MAP1LC3A: variants seen among roughly 807,000 people sequenced by gnomAD.
The protein encoded by MAP1LC3A is microtubule-associated protein 1 light chain 3 alpha.
A neutral mutation model predicts 15.2 loss-of-function variants in MAP1LC3A; 10 were observed. The observed-to-expected ratio is 0.66, with a 90% CI of 0.41 to 1.12. The LOEUF (loss-of-function observed/expected upper bound fraction) is 1.12, where lower values mean the gene tolerates loss of function less well. MAP1LC3A is among the 50% of genes most tolerant of loss of function. MAP1LC3A has a pLI of 0.00. For missense variants in MAP1LC3A, 138 were observed against 167.3 expected, an observed-to-expected ratio of 0.82 and a Z score of 0.97; for synonymous variants, 63 against 64.3, an observed-to-expected ratio of 0.98 and a Z score of 0.10.
chr20:34,554,876 ATT>A (rs1195057316), upstream of MAP1LC3A, among the ~76,000 whole-genome samples: 2 of 136,300 alleles, frequency 1.5e-5, no homozygotes. Flanking sequence ...TATTTTTTGT[ATT>A]TTTTTTTTTT....
Position 34,559,941 on chromosome 20 carries a change from G to A in MAP1LC3A, c.*43G>A. The stretch of plus-strand genomic sequence containing the variant: ...TCGGCCTGGGAGTCGGGCGGCCCCG[G>A]TCAGGCCCTGCCCAGAGAGCTCCTG... On this transcript the variant is annotated 3_prime_UTR_variant, in exon 4 of 4. Transcript: ENST00000360668. 1 of 1,577,732 alleles carries A rather than the reference G, an allele frequency of 6.3e-7. No individual in the cohort carries two copies. Among genetic ancestry groups the A allele is most frequent in the Non-Finnish European group, 8.6e-7 (1 of 1,163,318 alleles).
Position 34,558,908 on chromosome 20 carries a change from G to A in MAP1LC3A, c.40G>A (p.Ala14Thr), listed in dbSNP as rs1196059192. ...DRPFKQRRSF[A>T]DRCKEVQQIR... The stretch of plus-strand genomic sequence containing the variant: ...GCCTTTCAAGCAGCGGCGGAGCTTC[G>A]GTGAGGCCCGGCAGGCGAGCTGCGA... The change falls in exon 1 of 4, where the codon GCC (alanine) becomes ACC (threonine). Residue 14 changes from alanine (A) to threonine (T), a missense_variant and splice_region_variant. By Grantham distance (58) the Ala-to-Thr change is moderately conservative. Transcript: ENST00000360668. The surrounding 1 kb of genome is among the most constrained non-coding windows in gnomAD (Gnocchi z 4.3). 1 of 1,405,094 alleles carries A rather than the reference G, an allele frequency of 7.1e-7. No homozygotes were observed. The highest frequency in any genetic ancestry group is 9.2e-7 in the Non-Finnish European group (1 of 1,083,606). The allele number at this position is 1,405,094 out of a possible 1,614,324, so 87.0% of individuals were successfully genotyped here.
At position 34,560,097 on chromosome 20, in the gene MAP1LC3A, GTGCTGGCT is replaced by G; in HGVS notation, c.*200_*207del. 1 of 478,164 alleles carries G rather than the reference GTGCTGGCT, an allele frequency of 2.1e-6. No individual in the cohort carries two copies. The highest frequency in any genetic ancestry group is 3.7e-6 in the Non-Finnish European group (1 of 268,338). 29.6% of individuals were successfully genotyped at this position (478,164 alleles called of 1,614,324 possible). A position where few individuals can be genotyped will look rare whatever the true frequency, so the allele number is the denominator to read the frequency against. On this transcript the variant is annotated 3_prime_UTR_variant, in exon 4 of 4. Coordinates refer to ENST00000360668, the MANE Select transcript of MAP1LC3A (RefSeq NM_032514.4). Reference sequence around the variant, plus strand: ...GGTCGTGTTAGGGTTGTCCCTCTGGGTGCTGGCTGGTGGGATGGGGGAGGGTGGGGAGC... The same window carrying G: ...GGTCGTGTTAGGGTTGTCCCTCTGGGGGTGGGATGGGGGAGGGTGGGGAGC...
At chr20:34,558,651 G>A (rs1471416980), upstream of MAP1LC3A, 1 of 1,231,824 alleles carries the variant, frequency 8.1e-7, no homozygotes, top group Admixed American at 4.3e-5. This position sits in a 1 kb window ranked among gnomAD's most constrained non-coding sequence, Gnocchi z 4.3. Context: ...CGGGCGGGTT[G>A]TGCGTCGGCC....
chr20:34,560,010 A>T lies in MAP1LC3A; in HGVS notation c.*112A>T. 8.9e-7 allele frequency: 1 copy of T among 1,121,846 alleles called. No homozygotes were observed. Among genetic ancestry groups the T allele is most frequent in the Admixed American group, 2.9e-5 (1 of 34,348 alleles). The allele number at this position is 1,121,846 out of a possible 1,614,324, so 69.5% of individuals were successfully genotyped here. On this transcript the variant is annotated 3_prime_UTR_variant, in exon 4 of 4. Transcript: ENST00000360668. ...CTCTACCGTGGTGGGCTGGGCAGGC[A>T]TGTGCCCCCCTAGTCAGAGGGCACC... is the stretch of plus-strand genomic sequence containing the variant.
chr20:34,558,824 CCGCGCCCCAGAGCCCCGGCCTG>C lies in MAP1LC3A; in HGVS notation c.-37_-16del. ...GAGCCCCCAAACCGCAGACACATCC[CCGCGCCCCAGAGCCCCGGCCTG>C]CGCGCCCAGCCGGGCCCGCGCGATG... On this transcript the variant is annotated 5_prime_UTR_variant, in exon 1 of 4. Transcript: ENST00000360668. This position sits in a 1 kb window ranked among gnomAD's most constrained non-coding sequence, Gnocchi z 4.3. The C allele has an allele frequency of 7.0e-7, 1 of 1,423,170 alleles. No homozygotes were observed. The highest frequency in any genetic ancestry group is 1.4e-5 in the South Asian group (1 of 69,668). The allele number at this position is 1,423,170 out of a possible 1,614,324, so 88.2% of individuals were successfully genotyped here.
intron 2 of MAP1LC3A, chr20:34,550,051 T>C (rs768055570): frequency 1.2e-6 from 2 of 1,613,128 alleles, no homozygotes; most frequent in Admixed American, 3.3e-5. Context: ...CCGCCTGCCG[T>C]TGTGTGAAGG....
chr20:34,559,183 C>T, intron 1 of MAP1LC3A, 25 bp from the exon 2 acceptor site: 2 of 1,561,686 alleles, frequency 1.3e-6, no homozygotes, highest in South Asian at 2.4e-5. Context: ...CCGACCCGGC[C>T]TCACGGTCTG....
At chr20:34,557,249 C>T (rs1982194826), upstream of MAP1LC3A, among the ~76,000 whole-genome samples, 1 of 152,176 alleles carries the variant, frequency 6.6e-6, no homozygotes, top group South Asian at 2.1e-4. Flanking sequence ...TATTTACCAT[C>T]CCTTTTACTT....
At chr20:34,547,757 C>T (rs918696778) in intron 1 of MAP1LC3A, among the ~76,000 whole-genome samples, 5 of 152,132 alleles carry the variant, frequency 3.3e-5, no homozygotes, top group African/African-American at 7.2e-5. Context: ...TCAGTTAAAC[C>T]TCTTTTCTTT....
intron 1 of MAP1LC3A, 112 bp from the exon 2 acceptor site, chr20:34,559,096 C>T: frequency 1.1e-5 from 15 of 1,348,894 alleles, no homozygotes; most frequent in Non-Finnish European, 1.3e-5. Context: ...GGCCTGATGG[C>T]CCCGGGGGTG....
chr20:34,551,263 A>G (rs1042261246), intron 2 of MAP1LC3A, among the ~76,000 whole-genome samples: 3 of 151,572 alleles, frequency 2.0e-5, no homozygotes, highest in Admixed American at 2.0e-4. Flanking sequence ...AAAAAAGCCT[A>G]CTGATACCTG....
chr20:34,547,873 C>A (rs1251935689), intron 1 of MAP1LC3A, among the ~76,000 whole-genome samples: 1 of 152,160 alleles, frequency 6.6e-6, no homozygotes, highest in Non-Finnish European at 1.5e-5. Flanking sequence ...GCTGGGATTG[C>A]AGGTGTGAGC....
upstream of MAP1LC3A, chr20:34,558,390 A>G (rs976471412): frequency 8.1e-6 from 8 of 988,922 alleles, no homozygotes; most frequent in Non-Finnish European, 6.0e-6. The surrounding 1 kb of genome is among the most constrained non-coding windows in gnomAD (Gnocchi z 4.3). Context: ...CACGGCGCCC[A>G]GAACCGCGTC....
At chr20:34,559,015 G>T in intron 1 of MAP1LC3A, 107 bp downstream of exon 1, 1 of 1,336,184 alleles carries the variant, frequency 7.5e-7, no homozygotes, top group East Asian at 3.1e-5. Flanking sequence ...CTGGACCCTC[G>T]GGCTGGGACC....
At chr20:34,549,776 G>A in intron 1 of MAP1LC3A, 1 of 529,682 alleles carries the variant, frequency 1.9e-6, no homozygotes, top group Non-Finnish European at 3.4e-6. Flanking sequence ...AAACTGCCAT[G>A]GCACTGGTGG....
rs148641554 is a variant in MAP1LC3A, at chr20:34,549,518, C to G, written c.-73-387C>G. ...CCTGGCTCAGGAAGGAATTCAAGAA[C>G]CAGCCGGTGGTAGAAGAAAACAGCT... is the stretch of plus-strand genomic sequence containing the variant. On this transcript the variant is annotated intron_variant, in intron 1 of 4. Coordinates refer to the MAP1LC3A transcript ENST00000374837. Among the ~76,000 whole-genome samples, 518 of 152,324 alleles carry G rather than the reference C, an allele frequency of 3.4e-3. 4 individuals are homozygous for G. Among genetic ancestry groups the G allele is most frequent in the Non-Finnish European group, 3.8e-3 (257 of 68,044 alleles).
chr20:34,558,757 C>A lies in MAP1LC3A; in HGVS notation c.-112C>A. The A allele has an allele frequency of 7.5e-7, 1 of 1,327,796 alleles. No individual in the cohort carries two copies. Among genetic ancestry groups the A allele is most frequent in the Non-Finnish European group, 9.6e-7 (1 of 1,045,834 alleles). The allele number at this position is 1,327,796 out of a possible 1,614,324, so 82.3% of individuals were successfully genotyped here. On this transcript the variant is annotated 5_prime_UTR_variant, in exon 1 of 4. Coordinates refer to ENST00000360668, the MANE Select transcript of MAP1LC3A (RefSeq NM_032514.4). The surrounding 1 kb of genome is among the most constrained non-coding windows in gnomAD (Gnocchi z 4.3). ...CCGCAGCCGCAGCCGCCGTGCTCAG[C>A]GCGAGCCCCGGAGCCCTTGAGCGCG... is the stretch of plus-strand genomic sequence containing the variant.
chr20:34,559,481 G>T, intron 3 of MAP1LC3A, 28 bp downstream of exon 3: 1 of 1,591,956 alleles, frequency 6.3e-7, no homozygotes, highest in Non-Finnish European at 8.6e-7. Context: ...GCCAGGAGGT[G>T]GCTAGGGTCG....
Sources: allele counts gnomAD v4.1 joint callset (sites outside exome capture counted in the v4.1 genomes callset), GRCh38; gene constraint gnomAD v4.1.1; non-coding constraint Gnocchi (gnomAD v3.1); transcripts MANE v1.5; gene names NCBI Gene and HGNC (gene_info 2026-07-23, HGNC 2026-07-21).